The following EBF1 variants were observed in gnomAD, a reference collection of about 807,000 sequenced individuals.
EBF1 encodes the protein EBF transcription factor 1.
EBF1 carries 10 observed loss-of-function variants against 68.4 expected under a neutral mutation model. The observed-to-expected ratio is 0.15, with a 90% CI of 0.09 to 0.25. The LOEUF (loss-of-function observed/expected upper bound fraction) is 0.25. EBF1 is among the 10% of genes least tolerant of loss of function. The pLI is 1.00. For missense variants in EBF1, 509 were observed against 794.4 expected (o/e 0.64, Z 4.32); for synonymous variants, 298 against 299.8 (o/e 0.99, Z 0.06).
In EBF1 at chr5:159,042,016, A is replaced by T. The variant is rs149519180; in HGVS notation, c.554+31380T>A. ...AGTGTCACAGTGGAATTTATGAATG[A>T]GAGTGCTTTGGCTGCAAAGCATTCC... On this transcript the variant is annotated intron_variant, in intron 6 of 15. Transcript: ENST00000313708. Among the ~76,000 whole-genome samples the T allele has an allele frequency of 1.4e-4, 21 of 152,340 alleles. No individual in the cohort carries two copies. In the East Asian group the frequency reaches 4.0e-3, roughly 29 times the overall value.
intron 6 of EBF1, among the ~76,000 whole-genome samples, chr5:158,867,001 A>G (rs560092874): frequency 1.3e-5 from 2 of 151,602 alleles, no homozygotes; most frequent in Admixed American, 1.3e-4. Flanking sequence ...ATGATGCATA[A>G]TTTTTCACAA....
At chr5:158,877,641 A>G (rs1798048152) in intron 6 of EBF1, among the ~76,000 whole-genome samples, 3 of 152,168 alleles carry the variant, frequency 2.0e-5, no homozygotes, top group Admixed American at 6.5e-5. Flanking sequence ...TTCTCTTTCT[A>G]GAGAGACATT....
chr5:158,840,917 C>A lies in EBF1; in HGVS notation c.555-807G>T, dbSNP rs185045924. ...CGATCTCCTGACCTCGTGATCCGCC[C>A]GCCTCGGCCTCCCAAAGTGCTGGGA... On this transcript the variant is annotated intron_variant, in intron 6 of 15. Coordinates refer to ENST00000313708, the MANE Select transcript of EBF1 (RefSeq NM_024007.5). Among the ~76,000 whole-genome samples, 886 of 151,714 alleles carry A rather than the reference C, an allele frequency of 5.8e-3. 13 individuals carry two copies. Among genetic ancestry groups the A allele is most frequent in the African/African-American group, 0.021 (851 of 41,364 alleles).
At chr5:158,790,045 C>T (rs188465717) in intron 9 of EBF1, among the ~76,000 whole-genome samples, 29 of 152,310 alleles carry the variant, frequency 1.9e-4, no homozygotes, top group Admixed American at 1.8e-3. Context: ...AGGTCTCCCC[C>T]AGAGGTTTCT....
chr5:158,708,138 T>C lies in EBF1; in HGVS notation c.1585A>G (p.Ser529Gly). ...PSSPTMASST[S>G]LPSNCSSSSG... ...GAGCTGCTGCAGTTGGAGGGGAGGC[T>C]TGTGGAGGAGGCCATGGTGGGGCTG... The change falls in exon 15 of 16, where the codon AGC (serine) becomes GGC (glycine). Residue 529 changes from serine (S) to glycine (G), a missense_variant. Ser to Gly is a moderately conservative substitution (Grantham distance 56, BLOSUM62 0). This residue lies in a region of EBF1 where 205 missense variants were observed against 247.4 expected (regional missense o/e 0.83). Coordinates refer to ENST00000313708, the MANE Select transcript of EBF1 (RefSeq NM_024007.5). 6.3e-7 allele frequency: 1 copy of C among 1,588,986 alleles called. No homozygotes were observed.
intron 5 of EBF1, among the ~76,000 whole-genome samples, chr5:159,080,316 C>G (rs1465009368): frequency 1.3e-5 from 2 of 152,206 alleles, no homozygotes; most frequent in African/African-American, 2.4e-5. Context: ...GCCTCAACCT[C>G]TCATCACATT....
chr5:158,724,383 T>A (rs186992201), intron 11 of EBF1, among the ~76,000 whole-genome samples: 95 of 152,296 alleles, frequency 6.2e-4, no homozygotes, highest in Admixed American at 5.9e-4. Context: ...AAGATGAAGA[T>A]GTTAAGTCGT....
At chr5:158,717,872 G>T (rs1186004933) in intron 11 of EBF1, among the ~76,000 whole-genome samples, 1 of 152,046 alleles carries the variant, frequency 6.6e-6, no homozygotes, top group Non-Finnish European at 1.5e-5. Flanking sequence ...TCAAAACGTG[G>T]CTTCACCTGT....
chr5:158,769,077 G>A (rs1773361317), intron 10 of EBF1, among the ~76,000 whole-genome samples: 1 of 152,140 alleles, frequency 6.6e-6, no homozygotes, highest in South Asian at 2.1e-4. Flanking sequence ...CACATCTTAA[G>A]ATTAAAGCCA....
chr5:159,098,968 G>A (rs1362150081), intron 1 of EBF1, among the ~76,000 whole-genome samples: 2 of 151,828 alleles, frequency 1.3e-5, no homozygotes, highest in South Asian at 4.2e-4. Context: ...GAAAGGAAGA[G>A]CGAAGGGAAA....
intron 4 of EBF1, among the ~76,000 whole-genome samples, chr5:159,085,593 A>G (rs1156684253): frequency 1.3e-5 from 2 of 152,238 alleles, no homozygotes; most frequent in African/African-American, 4.8e-5. Context: ...TTAGCAGAGC[A>G]GGGCTCTGCA....
chr5:158,740,892 C>T (rs1446989083), intron 10 of EBF1, among the ~76,000 whole-genome samples: 1 of 152,248 alleles, frequency 6.6e-6, no homozygotes, highest in Non-Finnish European at 1.5e-5. Flanking sequence ...CAAACTTTCT[C>T]TGTTCACAGT....
At chr5:158,903,261 A>C (rs1425183358) in intron 6 of EBF1, among the ~76,000 whole-genome samples, 1 of 152,228 alleles carries the variant, frequency 6.6e-6, no homozygotes, top group Non-Finnish European at 1.5e-5. Context: ...CTACATGCAT[A>C]AACAGCTTTC....
At chr5:158,700,109 T>G (rs1176345725) in intron 15 of EBF1, among the ~76,000 whole-genome samples, 2 of 152,202 alleles carry the variant, frequency 1.3e-5, no homozygotes, top group Non-Finnish European at 2.9e-5. Context: ...CTGATAGACG[T>G]TAGCTGCTGG....
intron 6 of EBF1, among the ~76,000 whole-genome samples, chr5:158,841,591 T>C (rs1790341963): frequency 1.3e-5 from 2 of 152,220 alleles, no homozygotes; most frequent in South Asian, 4.1e-4. Context: ...AAATAGATTA[T>C]GAAGAACTAT....
intron 6 of EBF1, among the ~76,000 whole-genome samples, chr5:159,029,494 T>A (rs1768345051): frequency 6.6e-6 from 1 of 152,156 alleles, no homozygotes; most frequent in Non-Finnish European, 1.5e-5. Flanking sequence ...GTCCAGGGAA[T>A]GATTATGAAA....
rs1393189752 is a variant in EBF1, at chr5:158,736,426, A to ATTTC, written c.1037-5273_1037-5270dup. 4.6e-5 allele frequency among the ~76,000 whole-genome samples: 7 copies of ATTTC among 152,184 alleles called. No homozygotes were observed. The East Asian group carries it at 1.2e-3, about 25-fold the overall frequency. On this transcript the variant is annotated intron_variant, in intron 10 of 15. Transcript: ENST00000313708. ...GCGACTCACTGCCGTGCTTTCACAT[A>ATTTC]TTTCTGGGGTTTTAATTTCCTTTTT...
chr5:158,818,383 A>G (rs1784171640), intron 8 of EBF1, among the ~76,000 whole-genome samples: 1 of 152,244 alleles, frequency 6.6e-6, no homozygotes, highest in South Asian at 2.1e-4. Flanking sequence ...AACTGACAGA[A>G]GCAAAAACTG....
At position 158,731,114 on chromosome 5, in the gene EBF1, C is replaced by T. The variant is rs1024908567; in HGVS notation, c.1080G>A (p.Gln360=). Residue 360 remains glutamine (Q), a synonymous_variant, in exon 11 of 16, where the codon CAG becomes CAA. Coordinates refer to ENST00000313708, the MANE Select transcript of EBF1 (RefSeq NM_024007.5). ...CACCAGGGTGCCGAGGAATGACCTT[C>T]TGTAACCTCTGGAAACCATAATCGA... ...PTIDYGFQRL[Q]KVIPRHPGDP... is the part of the protein sequence containing the mutation. 1.2e-6 allele frequency: 2 copies of T among 1,614,026 alleles called. No individual in the cohort carries two copies. The highest frequency in any genetic ancestry group is 1.3e-5 in the African/African-American group (1 of 74,934).
Sources: gnomAD v4.1 joint callset for allele counts (sites outside exome capture counted in the v4.1 genomes callset) on GRCh38, gnomAD v4.1.1 for gene constraint, gnomAD v4.1.1 regional missense constraint, MANE v1.5 for transcripts, NCBI Gene and HGNC (gene_info 2026-07-23, HGNC 2026-07-21) for gene names.